The following SHISA9 variants were observed in gnomAD, a reference collection of about 807,000 sequenced individuals.
The protein encoded by SHISA9 is protein shisa-9.
Under a neutral mutation model 38.0 loss-of-function variants are expected in SHISA9, and 13 were observed. That is an observed-to-expected ratio of 0.34 (90% CI 0.22 to 0.54). The LOEUF (loss-of-function observed/expected upper bound fraction) is 0.54. SHISA9 is among the 20% of genes least tolerant of loss of function. The pLI is 0.91. For missense variants in SHISA9, 538 were observed against 575.8 expected, an observed-to-expected ratio of 0.93 and a Z score of 0.67; for synonymous variants, 275 against 242.0, an observed-to-expected ratio of 1.14 and a Z score of -1.27.
the SHISA9 span, among the ~76,000 whole-genome samples, chr16:13,343,444 C>G: frequency 1.6e-4 from 24 of 151,994 alleles, no homozygotes; most frequent in African/African-American, 5.8e-4. Flanking sequence ...TAATAAAATG[C>G]TAATCACCAT....
downstream of SHISA9, among the ~76,000 whole-genome samples, chr16:13,243,287 T>C (rs1289045835): frequency 6.6e-6 from 1 of 151,816 alleles, no homozygotes; most frequent in African/African-American, 2.4e-5. Flanking sequence ...GTCGAGGACA[T>C]GTGTCTGTGA....
At chr16:12,956,743 G>C (rs973355846) in intron 2 of SHISA9, among the ~76,000 whole-genome samples, 1 of 152,256 alleles carries the variant, frequency 6.6e-6, no homozygotes, top group African/African-American at 2.4e-5. Context: ...ATGGGAGGGA[G>C]CTGAGCTTTG....
At chr16:12,920,165 C>T (rs1192192783) in intron 2 of SHISA9, among the ~76,000 whole-genome samples, 2 of 143,574 alleles carry the variant, frequency 1.4e-5, no homozygotes, top group African/African-American at 2.6e-5. Flanking sequence ...GTTTTTGTTT[C>T]AAGTCGTGGG....
At chr16:13,457,601 A>T in the SHISA9 span, among the ~76,000 whole-genome samples, 2 of 151,448 alleles carry the variant, frequency 1.3e-5, no homozygotes, top group African/African-American at 4.9e-5. Context: ...GCCTTTGACC[A>T]TTCCACCTTC....
At chr16:13,249,780 A>C in the SHISA9 span, among the ~76,000 whole-genome samples, 1 of 151,998 alleles carries the variant, frequency 6.6e-6, no homozygotes, top group African/African-American at 2.4e-5. Context: ...CTGTCACCCA[A>C]GCTAGAGTGC....
rs61142856 is a variant in SHISA9 at position 13,222,862 on chromosome 16, C to T, written c.895+9562C>T. Among the ~76,000 whole-genome samples the T allele has an allele frequency of 2.7e-3, 404 of 151,402 alleles. 1 individual carries two copies. Among genetic ancestry groups the T allele is most frequent in the African/African-American group, 9.1e-3 (376 of 41,220 alleles). On this transcript the variant is annotated intron_variant, in intron 4 of 4. Coordinates refer to ENST00000558583, the MANE Select transcript of SHISA9 (RefSeq NM_001145204.3). ...TCCACAAGGTATATATAACATTATC[C>T]TAATTTTATAATCTTTATATTTTCT...
the SHISA9 span, among the ~76,000 whole-genome samples, chr16:13,304,457 C>T: frequency 6.6e-6 from 1 of 152,016 alleles, no homozygotes; most frequent in African/African-American, 2.4e-5. Flanking sequence ...AGGGTTTTGC[C>T]GTGTTGCCCA....
intron 2 of SHISA9, among the ~76,000 whole-genome samples, chr16:13,197,205 C>G (rs1281438756): frequency 1.3e-5 from 2 of 151,942 alleles, no homozygotes; most frequent in Non-Finnish European, 2.9e-5. Flanking sequence ...TCTTTTCCTA[C>G]TGTCTGGAAC....
At chr16:13,284,717 T>C in the SHISA9 span, among the ~76,000 whole-genome samples, 2 of 152,092 alleles carry the variant, frequency 1.3e-5, no homozygotes, top group Non-Finnish European at 2.9e-5. Flanking sequence ...TGTGCCTCAG[T>C]CTCCCAAGTA....
chr16:13,012,522 T>G (rs972213550), intron 2 of SHISA9, among the ~76,000 whole-genome samples: 1 of 152,086 alleles, frequency 6.6e-6, no homozygotes, highest in Admixed American at 6.6e-5. Context: ...ACCAAACAAC[T>G]GGACAAGGAT....
At chr16:13,527,825 C>T in the SHISA9 span, among the ~76,000 whole-genome samples, 6 of 152,056 alleles carry the variant, frequency 3.9e-5, no homozygotes, top group African/African-American at 1.4e-4. Context: ...TTAATATGAC[C>T]ATATGTAGGA....
At chr16:13,454,685 C>A in the SHISA9 span, among the ~76,000 whole-genome samples, 1 of 152,146 alleles carries the variant, frequency 6.6e-6, no homozygotes, top group African/African-American at 2.4e-5. Flanking sequence ...GCCAGACTGT[C>A]CCCCGAAGCC....
At chr16:13,529,500 C>A in the SHISA9 span, among the ~76,000 whole-genome samples, 2 of 152,174 alleles carry the variant, frequency 1.3e-5, no homozygotes, top group Non-Finnish European at 2.9e-5. Flanking sequence ...AATCTCCATG[C>A]CTTGATTTAT....
At chr16:13,424,145 T>C in the SHISA9 span, among the ~76,000 whole-genome samples, 18 of 152,288 alleles carry the variant, frequency 1.2e-4, no homozygotes, top group South Asian at 2.9e-3. Flanking sequence ...AGGGCAGGAA[T>C]TGTGGAGGGT....
At chr16:13,276,156 AGT>A in the SHISA9 span, among the ~76,000 whole-genome samples, 5 of 152,038 alleles carry the variant, frequency 3.3e-5, no homozygotes, top group East Asian at 7.7e-4. Flanking sequence ...CCCACATATC[AGT>A]GAGATGTTTG....
At chr16:13,356,100 G>T in the SHISA9 span, among the ~76,000 whole-genome samples, 95 of 152,364 alleles carry the variant, frequency 6.2e-4, no homozygotes, top group Admixed American at 2.5e-3. Context: ...GGAAGTTCTT[G>T]TGTGCTGGAG....
At chr16:12,946,714 C>T (rs2071692717) in intron 2 of SHISA9, among the ~76,000 whole-genome samples, 1 of 152,228 alleles carries the variant, frequency 6.6e-6, no homozygotes, top group Admixed American at 6.5e-5. Context: ...CTAGAAGAGA[C>T]ATTCTCAATA....
chr16:13,089,130 GA>G (rs1358339123), intron 2 of SHISA9, among the ~76,000 whole-genome samples: 2 of 152,206 alleles, frequency 1.3e-5, no homozygotes, highest in Non-Finnish European at 2.9e-5. Context: ...TGCGTGTGTT[GA>G]ACCAGCCTTG....
intron 2 of SHISA9, among the ~76,000 whole-genome samples, chr16:12,974,616 G>T (rs1176253432): frequency 2.6e-5 from 4 of 151,120 alleles, no homozygotes. Context: ...CTCCTGAGTA[G>T]CTGGGATTAC....
Sources: gnomAD v4.1 joint callset for allele counts (sites outside exome capture counted in the v4.1 genomes callset) on GRCh38, gnomAD v4.1.1 for gene constraint, MANE v1.5 for transcripts, NCBI Gene and HGNC (gene_info 2026-07-23, HGNC 2026-07-21) for gene names.